Variants in SI observed in about 807,000 individuals in gnomAD.
SI encodes sucrase-isomaltase, also known as sucrase-isomaltase, intestinal.
Under a neutral mutation model 253.3 loss-of-function variants are expected in SI, and 235 were observed. That is an observed-to-expected ratio of 0.93 (90% CI 0.83 to 1.03). The LOEUF is 1.03. SI is among the 50% of genes least tolerant of loss of function. The pLI is 0.00. For synonymous variants in SI, 819 were observed against 712.0 expected (o/e 1.15, Z -2.39); for missense variants, 2,442 against 2,211.1 (o/e 1.10, Z -2.09).
At chr3:165,021,687 A>C in intron 26 of SI, among the ~76,000 whole-genome samples, 1 of 151,798 alleles carries the variant, frequency 6.6e-6, no homozygotes, top group East Asian at 1.9e-4. Context: ...TGGGTATACC[A>C]AAATTATTTC....
chr3:165,030,697 T>C lies in SI; in HGVS notation c.2892+15A>G, dbSNP rs1363282669. 6.2e-7 allele frequency: 1 copy of C among 1,606,278 alleles called. No homozygotes were observed. Among genetic ancestry groups the C allele is most frequent in the Admixed American group, 1.7e-5 (1 of 59,504 alleles). Reference sequence around the variant, plus strand: ...TGATAACCATATCATGAGTAATAGTTAAAATTATTATTACCGTTCTCCATA... The same window carrying C: ...TGATAACCATATCATGAGTAATAGTCAAAATTATTATTACCGTTCTCCATA... On this transcript the variant is annotated intron_variant, in intron 25 of 47. Transcript: ENST00000264382.
At chr3:165,037,599 T>C (rs567375615) in intron 21 of SI, among the ~76,000 whole-genome samples, 1 of 152,060 alleles carries the variant, frequency 6.6e-6, no homozygotes, top group Admixed American at 6.6e-5. Context: ...ATAACAAATA[T>C]TCACATTTTG....
At chr3:165,079,788 T>C (rs150204504), upstream of SI, among the ~76,000 whole-genome samples, 418 of 151,848 alleles carry the variant, frequency 2.8e-3, 2 homozygotes, top group African/African-American at 9.4e-3. Context: ...GAAACTACAA[T>C]ATAGATATAG....
intron 37 of SI, among the ~76,000 whole-genome samples, chr3:165,004,904 C>T (rs537434119): frequency 3.9e-5 from 6 of 152,134 alleles, no homozygotes; most frequent in East Asian, 3.9e-4. Context: ...GTCAAGGGAG[C>T]GACCTGGTGG....
At position 165,033,380 on chromosome 3, in the gene SI, A is replaced by G. The variant is rs746278603; in HGVS notation, c.2565+15T>C. On this transcript the variant is annotated intron_variant, in intron 23 of 47. Transcript: ENST00000264382. ...AAATTATGCATTTAAGTATATGTAC[A>G]AAGAGAGTGCTTACATTAGAAACTG... 2.6e-6 allele frequency: 4 copies of G among 1,556,946 alleles called. 1 individual carries two copies. In the South Asian group the frequency reaches 4.9e-5, roughly 19 times the overall value.
chr3:165,058,524 A>G (rs2108247241), intron 12 of SI, among the ~76,000 whole-genome samples: 1 of 152,058 alleles, frequency 6.6e-6, no homozygotes, highest in East Asian at 1.9e-4. Flanking sequence ...AAAGTCAACT[A>G]ACCTTTAGCT....
At chr3:165,082,761 C>T (rs1251711541), upstream of SI, among the ~76,000 whole-genome samples, 1 of 151,930 alleles carries the variant, frequency 6.6e-6, no homozygotes, top group Non-Finnish European at 1.5e-5. Context: ...GCAGTGACTG[C>T]CACTTGTATA....
At chr3:165,072,020 A>G (rs768353535) in intron 3 of SI, among the ~76,000 whole-genome samples, 1 of 152,160 alleles carries the variant, frequency 6.6e-6, no homozygotes, top group Non-Finnish European at 1.5e-5. Flanking sequence ...CAATAAGCAA[A>G]CATGTCCTTT....
At chr3:165,000,797 A>G (rs916524597) in intron 37 of SI, among the ~76,000 whole-genome samples, 2 of 151,442 alleles carry the variant, frequency 1.3e-5, no homozygotes, top group African/African-American at 4.8e-5. Context: ...AGTTTAAGTT[A>G]TTCTTGAGAA....
At chr3:164,993,838 G>GA (rs1334243323) in intron 41 of SI, among the ~76,000 whole-genome samples, 1 of 151,600 alleles carries the variant, frequency 6.6e-6, no homozygotes, top group African/African-American at 2.4e-5. Flanking sequence ...ATACATCAAG[G>GA]AAAAGGTGGA....
chr3:165,087,566 CAT>C, the SI span, among the ~76,000 whole-genome samples: 1 of 152,124 alleles, frequency 6.6e-6, no homozygotes, highest in African/African-American at 2.4e-5. Flanking sequence ...TTAGGGTACT[CAT>C]AGCAACAGCA....
chr3:164,995,654 G>A (rs1027399591), intron 40 of SI, among the ~76,000 whole-genome samples: 4 of 151,480 alleles, frequency 2.6e-5, no homozygotes, highest in Non-Finnish European at 4.4e-5. Flanking sequence ...TTCTCCATAC[G>A]TTTATATTGG....
chr3:165,047,657 C>A (rs1226348993), intron 15 of SI, among the ~76,000 whole-genome samples: 1 of 151,870 alleles, frequency 6.6e-6, no homozygotes, highest in Non-Finnish European at 1.5e-5. Context: ...CATTTGGTAT[C>A]CACTCAACAT....
At chr3:165,036,095 T>C (rs1384444218) in intron 22 of SI, among the ~76,000 whole-genome samples, 1 of 151,854 alleles carries the variant, frequency 6.6e-6, no homozygotes, top group Non-Finnish European at 1.5e-5. Flanking sequence ...ATGCAATTAG[T>C]ATATCTGAGA....
At chr3:165,075,324 T>C (rs1011640744) in intron 2 of SI, among the ~76,000 whole-genome samples, 2 of 151,974 alleles carry the variant, frequency 1.3e-5, no homozygotes, top group South Asian at 4.1e-4. Context: ...ACAATACTGA[T>C]TTGCTCAAGA....
intron 44 of SI, among the ~76,000 whole-genome samples, chr3:164,990,237 G>GCAGTT (rs1364435685): frequency 6.6e-6 from 1 of 151,986 alleles, no homozygotes; most frequent in Non-Finnish European, 1.5e-5. Context: ...TAAAAAATAA[G>GCAGTT]TCTTTGAAAA....
At chr3:165,035,777 A>T (rs1390785490) in intron 22 of SI, among the ~76,000 whole-genome samples, 1 of 151,582 alleles carries the variant, frequency 6.6e-6, no homozygotes, top group African/African-American at 2.4e-5. Flanking sequence ...AAAAATGTAT[A>T]AGGAAAATTG....
chr3:165,055,966 A>T (rs536044544), intron 12 of SI, among the ~76,000 whole-genome samples: 2 of 152,182 alleles, frequency 1.3e-5, no homozygotes, highest in South Asian at 4.1e-4. Context: ...TTAAACCCAA[A>T]CAGTCTTACA....
the SI span, among the ~76,000 whole-genome samples, chr3:165,088,127 C>A: frequency 1.3e-5 from 2 of 150,116 alleles, no homozygotes; most frequent in East Asian, 2.0e-4. Flanking sequence ...AGGTGGATCA[C>A]CTGAGGTCAG....
Sources: allele counts gnomAD v4.1 joint callset (sites outside exome capture counted in the v4.1 genomes callset), GRCh38; gene constraint gnomAD v4.1.1; transcripts MANE v1.5; gene names NCBI Gene and HGNC (gene_info 2026-07-23, HGNC 2026-07-21).